The following C19orf47 variants were observed in gnomAD, a reference collection of about 807,000 sequenced individuals.
C19orf47 encodes the protein uncharacterized protein C19orf47.
Under a neutral mutation model 32.3 loss-of-function variants are expected in C19orf47, and 18 were observed. The observed-to-expected ratio is 0.56, with a 90% CI of 0.39 to 0.83. The LOEUF is 0.83. Among genes scored for constraint, C19orf47 ranks in the 40% least tolerant of loss-of-function variants. The pLI is 0.00. For synonymous variants in C19orf47, 202 were observed against 211.1 expected, an observed-to-expected ratio of 0.96 and a Z score of 0.37; for missense variants, 484 against 531.6, an observed-to-expected ratio of 0.91 and a Z score of 0.88.
In C19orf47 at chr19:40,336,192, T is replaced by C. The variant is rs1449656756; in HGVS notation, c.140A>G (p.Lys47Arg). Reference sequence around the variant, plus strand: ...CACGCCCAGCTCATTCATTATCTCCTTATTGAGATCCAGCAGCATGCTCTT... The same window carrying C: ...CACGCCCAGCTCATTCATTATCTCCCTATTGAGATCCAGCAGCATGCTCTT... ...IQKSMLLDLNKEIMNELGVTV... is the reference protein window; with the variant it reads ...IQKSMLLDLNREIMNELGVTV... The change falls in exon 4 of 9, where the codon AAG (lysine) becomes AGG (arginine). Residue 47 changes from lysine to arginine, a missense_variant. This residue lies in a region of C19orf47 where 57 missense variants were observed against 86.9 expected (regional missense o/e 0.66). Transcript: ENST00000683109. The C allele has an allele frequency of 6.2e-7, 1 of 1,614,196 alleles. No homozygotes were observed. Among genetic ancestry groups the C allele is most frequent in the Non-Finnish European group, 8.5e-7 (1 of 1,180,030 alleles).
Position 40,342,006 on chromosome 19 carries a change from G to A in C19orf47, c.-33-116C>T, listed in dbSNP as rs1040723825. 1.7e-5 allele frequency: 26 copies of A among 1,507,410 alleles called. 1 individual carries two copies. The highest frequency in any genetic ancestry group is 9.7e-5 in the African/African-American group (7 of 72,420). The allele number at this position is 1,507,410 out of a possible 1,614,324, so 93.4% of individuals were successfully genotyped here. A position where few individuals can be genotyped will look rare whatever the true frequency, so the allele number is the denominator to read the frequency against. Reference sequence around the variant, plus strand: ...AATGTTCCTGGGCTAGGGGCTCACCGCCCAGGAATAGCCTGGAGCAGCTGG... The same window carrying A: ...AATGTTCCTGGGCTAGGGGCTCACCACCCAGGAATAGCCTGGAGCAGCTGG... On this transcript the variant is annotated intron_variant, in intron 1 of 8. Transcript: ENST00000683109.
chr19:40,293,614 TGC>T, the C19orf47 span, among the ~76,000 whole-genome samples: 1 of 151,770 alleles, frequency 6.6e-6, no homozygotes, highest in African/African-American at 2.4e-5. Context: ...TACAGGCAAG[TGC>T]CACCACACCA....
intron 1 of C19orf47, 137 bp from the exon 2 acceptor site, chr19:40,342,027 G>A: frequency 6.8e-7 from 1 of 1,475,746 alleles, no homozygotes; most frequent in Non-Finnish European, 9.0e-7. Context: ...GCCTGGAGCA[G>A]CTGGCAGGAA....
the C19orf47 span, among the ~76,000 whole-genome samples, chr19:40,301,121 C>T: frequency 6.6e-6 from 1 of 151,972 alleles, no homozygotes; most frequent in African/African-American, 2.4e-5. Flanking sequence ...CGAGGCACTC[C>T]AGCCTGGGTA....
At chr19:40,303,677 G>A in the C19orf47 span, among the ~76,000 whole-genome samples, 4 of 150,000 alleles carry the variant, frequency 2.7e-5, no homozygotes, top group East Asian at 4.0e-4. Flanking sequence ...GGTGGCATGC[G>A]CCTGTAGTCC....
intron 5 of C19orf47, among the ~76,000 whole-genome samples, chr19:40,332,031 T>G (rs1000635337): frequency 7.0e-6 from 1 of 142,180 alleles, no homozygotes; most frequent in Non-Finnish European, 1.5e-5. Context: ...AAAGCGAAAC[T>G]CCATCTCAAA....
chr19:40,310,396 A>G, the C19orf47 span, among the ~76,000 whole-genome samples: 91 of 152,310 alleles, frequency 6.0e-4, no homozygotes, highest in South Asian at 1.7e-3. Context: ...CTCGTGCCTC[A>G]GCCTCCCAAG....
At chr19:40,328,210 C>T (rs1173997415) in intron 6 of C19orf47, among the ~76,000 whole-genome samples, 1 of 152,102 alleles carries the variant, frequency 6.6e-6, no homozygotes, top group African/African-American at 2.4e-5. Context: ...GGTATCGCCA[C>T]CCCCCATGCT....
At chr19:40,318,094 G>A (rs1182905677), downstream of C19orf47, among the ~76,000 whole-genome samples, 1 of 152,140 alleles carries the variant, frequency 6.6e-6, no homozygotes, top group Admixed American at 6.6e-5. Flanking sequence ...TATCAAGGCA[G>A]CCCAGGTGGC....
the C19orf47 span, among the ~76,000 whole-genome samples, chr19:40,294,953 C>G: frequency 6.6e-6 from 1 of 152,352 alleles, no homozygotes; most frequent in Admixed American, 6.5e-5. Context: ...ATTAGCGGGT[C>G]AGTGAGTGTC....
chr19:40,340,960 A>C (rs2078164707), intron 2 of C19orf47, among the ~76,000 whole-genome samples: 2 of 141,810 alleles, frequency 1.4e-5, no homozygotes, highest in Non-Finnish European at 1.5e-5. Flanking sequence ...CCTGGGCAAC[A>C]GTGTGAGCCT....
At chr19:40,324,262 G>C (rs2145522608) in intron 7 of C19orf47, 186 bp from the exon 8 acceptor site, 1 of 615,556 alleles carries the variant, frequency 1.6e-6, no homozygotes, top group Admixed American at 2.7e-5. Context: ...TATCTGGCTA[G>C]AGCCAAATGT....
At chr19:40,331,053 G>A (rs769282749) in intron 5 of C19orf47, among the ~76,000 whole-genome samples, 1 of 152,212 alleles carries the variant, frequency 6.6e-6, no homozygotes, top group East Asian at 1.9e-4. Context: ...CTGAATGTAT[G>A]TTATGGAGGA....
At chr19:40,309,979 T>C in the C19orf47 span, among the ~76,000 whole-genome samples, 1 of 152,124 alleles carries the variant, frequency 6.6e-6, no homozygotes, top group Non-Finnish European at 1.5e-5. Context: ...TGGTTAAAAA[T>C]AGAATTATCA....
intron 7 of C19orf47, among the ~76,000 whole-genome samples, chr19:40,325,008 G>A (rs559851232): frequency 6.6e-6 from 1 of 150,830 alleles, no homozygotes; most frequent in South Asian, 2.1e-4. Flanking sequence ...GGTGGCTCAC[G>A]CCTGTAATCC....
chr19:40,345,752 G>T (rs530140059), intron 1 of C19orf47, among the ~76,000 whole-genome samples: 3 of 103,512 alleles, frequency 2.9e-5, no homozygotes, highest in African/African-American at 1.1e-4. Flanking sequence ...TAAGGTGGGA[G>T]AATCGCTTCA....
chr19:40,331,580 GTGAGCTA>G (rs1228756784), intron 5 of C19orf47, among the ~76,000 whole-genome samples: 1 of 152,002 alleles, frequency 6.6e-6, no homozygotes, highest in Non-Finnish European at 1.5e-5. Context: ...TGAGGCTACA[GTGAGCTA>G]TGACTGCACC....
intron 4 of C19orf47, among the ~76,000 whole-genome samples, chr19:40,335,407 A>G (rs7257972): frequency 0.7 from 106,443 of 151,962 alleles, 37,285 homozygotes; most frequent in South Asian, 0.77. Flanking sequence ...AGAGGGACCC[A>G]AATACAGGCA....
the C19orf47 span, among the ~76,000 whole-genome samples, chr19:40,311,644 C>T: frequency 4.6e-5 from 7 of 152,212 alleles, 1 homozygote; most frequent in African/African-American, 9.6e-5. Context: ...CTTCAGGTGG[C>T]GGAGTCCCTC....
Sources: allele counts gnomAD v4.1 joint callset (sites outside exome capture counted in the v4.1 genomes callset), GRCh38; gene constraint gnomAD v4.1.1; regional missense constraint gnomAD v4.1.1; transcripts MANE v1.5; gene names NCBI Gene and HGNC (gene_info 2026-07-23, HGNC 2026-07-21).